Variants in IQCB1 observed in about 807,000 individuals in gnomAD.
IQCB1 encodes IQ calmodulin-binding motif-containing protein 1.
Under a neutral mutation model 84.4 loss-of-function variants are expected in IQCB1, and 56 were observed. The ratio of observed to expected loss-of-function variants is 0.66; its 90% CI spans 0.54 to 0.83. The LOEUF is 0.83. IQCB1 is among the 40% of genes least tolerant of loss of function. IQCB1 has a pLI of 0.00. For synonymous variants in IQCB1, 210 were observed against 234.8 expected (o/e 0.89, Z 0.96); for missense variants, 629 against 682.1 (o/e 0.92, Z 0.87).
intron 4 of IQCB1, among the ~76,000 whole-genome samples, chr3:121,827,270 T>TA (rs955459141): frequency 7.3e-5 from 11 of 151,312 alleles, no homozygotes; most frequent in East Asian, 5.8e-4. Flanking sequence ...AAATAAAAGT[T>TA]AAAAAAAAAC....
chr3:121,816,736 T>C (rs1348525728), intron 5 of IQCB1, among the ~76,000 whole-genome samples: 2 of 151,922 alleles, frequency 1.3e-5, no homozygotes, highest in African/African-American at 4.8e-5. Context: ...CCAGTTAGAG[T>C]GGCGATCATT....
rs917217217 is a variant in IQCB1 at position 121,770,921 on chromosome 3, C to T, written c.1568-347G>A. Among the ~76,000 whole-genome samples, 17 of 152,210 alleles carry T rather than the reference C, an allele frequency of 1.1e-4. 1 individual carries two copies. The highest frequency in any genetic ancestry group is 1.0e-3 in the Admixed American group (16 of 15,288). On this transcript the variant is annotated intron_variant, in intron 14 of 14. Transcript: ENST00000310864. The stretch of plus-strand genomic sequence containing the variant: ...TCCTGGACTCAAGCAATCCTTCTGC[C>T]TCAGCTTCCCTAAGTGTTGGGATTA...
intron 5 of IQCB1, among the ~76,000 whole-genome samples, chr3:121,821,362 G>A (rs1950267633): frequency 6.6e-6 from 1 of 152,150 alleles, no homozygotes; most frequent in South Asian, 2.1e-4. Flanking sequence ...TCCTGGTCTT[G>A]TCCATTTCCG....
At chr3:121,788,792 T>C (rs1388840890) in intron 11 of IQCB1, among the ~76,000 whole-genome samples, 1 of 152,170 alleles carries the variant, frequency 6.6e-6, no homozygotes, top group East Asian at 1.9e-4. Flanking sequence ...ATGTGTTCTC[T>C]ACTCTACATG....
intron 11 of IQCB1, 97 bp from the exon 12 acceptor site, chr3:121,788,529 T>A (rs1009700076): frequency 3.0e-6 from 2 of 675,020 alleles, no homozygotes; most frequent in Non-Finnish European, 4.8e-6. Context: ...GCATTCTTTT[T>A]ATTTTTGTCA....
At chr3:121,771,332 ATAT>A (rs1947981570) in intron 14 of IQCB1, among the ~76,000 whole-genome samples, 1 of 151,524 alleles carries the variant, frequency 6.6e-6, no homozygotes, top group African/African-American at 2.4e-5. Flanking sequence ...TTATTTATTT[ATAT>A]TATTATTTTT....
chr3:121,788,288 C>T lies in IQCB1; in HGVS notation c.1274G>A (p.Arg425Lys), dbSNP rs1450149889. 1 of 1,613,962 alleles carries T rather than the reference C, an allele frequency of 6.2e-7. No homozygotes were observed. The highest frequency in any genetic ancestry group is 1.3e-5 in the African/African-American group (1 of 75,042). Residue 425 changes from arginine (R) to lysine (K), a missense_variant, in exon 12 of 15, where the codon AGA (arginine) becomes AAA (lysine). By Grantham distance (26) the Arg-to-Lys change is conservative (BLOSUM62 2). Coordinates refer to ENST00000310864, the MANE Select transcript of IQCB1 (RefSeq NM_001023570.4). ...TTTTCACTACATTAGACTCACTGCTCTTTGAAGTGTGACAGCTGCTTTATA... is the reference window on the plus strand; with the variant it reads ...TTTTCACTACATTAGACTCACTGCTTTTTGAAGTGTGACAGCTGCTTTATA... Reference protein sequence around the residue: ...IEYKAAVTLQRAALKFLAKCR... With the variant: ...IEYKAAVTLQKAALKFLAKCR...
At position 121,817,195 on chromosome 3, in the gene IQCB1, G is replaced by A. The variant is rs187347436; in HGVS notation, c.394-8186C>T. 1.4e-4 allele frequency among the ~76,000 whole-genome samples: 21 copies of A among 152,214 alleles called. No individual in the cohort carries two copies. In the East Asian group the frequency reaches 2.7e-3, roughly 20 times the overall value. On this transcript the variant is annotated intron_variant, in intron 5 of 14. Transcript: ENST00000310864. ...ACACTGCATGTTCTCACTCATAAGC[G>A]GGAGTTGAACAATGAGAACACATGG...
rs937341616 is a variant in IQCB1, at chr3:121,769,965, A to G, written c.*380T>C. ...AGGAAATAGGAATTTCAGATAACAA[A>G]TGTGAAAAGTTGAAATAATCCTGAC... On this transcript the variant is annotated 3_prime_UTR_variant, in exon 15 of 15. Coordinates refer to ENST00000310864, the MANE Select transcript of IQCB1 (RefSeq NM_001023570.4). 5.3e-6 allele frequency: 1 copy of G among 187,620 alleles called. No homozygotes were observed. Among genetic ancestry groups the G allele is most frequent in the Non-Finnish European group, 1.1e-5 (1 of 88,472 alleles). The allele number at this position is 187,620 out of a possible 1,614,324, so 11.6% of individuals were successfully genotyped here.
intron 8 of IQCB1, among the ~76,000 whole-genome samples, chr3:121,797,718 T>G (rs1949257456): frequency 6.6e-6 from 1 of 151,990 alleles, no homozygotes; most frequent in East Asian, 1.9e-4. Flanking sequence ...ATATATAATT[T>G]GGGGCAAATC....
intron 13 of IQCB1, among the ~76,000 whole-genome samples, chr3:121,779,263 A>G (rs892907826): frequency 3.9e-5 from 6 of 152,004 alleles, no homozygotes; most frequent in Non-Finnish European, 5.9e-5. Flanking sequence ...AGGGATTCCA[A>G]GTTTTCATTT....
chr3:121,820,452 C>T (rs992380655), intron 5 of IQCB1, among the ~76,000 whole-genome samples: 2 of 152,182 alleles, frequency 1.3e-5, no homozygotes, highest in African/African-American at 4.8e-5. Context: ...ATTATCTCTA[C>T]ACCACATCCC....
intron 7 of IQCB1, among the ~76,000 whole-genome samples, chr3:121,803,025 A>G (rs1000443096): frequency 3.9e-5 from 6 of 152,154 alleles, no homozygotes; most frequent in Non-Finnish European, 8.8e-5. Flanking sequence ...GCCAGAGAAC[A>G]TACTTTGTAT....
At chr3:121,786,170 C>CAAGAAAG in intron 12 of IQCB1, among the ~76,000 whole-genome samples, 2 of 72,848 alleles carry the variant, frequency 2.7e-5, no homozygotes, top group African/African-American at 6.5e-5. Flanking sequence ...GATTCTGTCT[C>CAAGAAAG]AAAAGAAAAG....
rs1003136013 is a variant in IQCB1, at chr3:121,779,334, T to C, written c.1410+2409A>G. Among the ~76,000 whole-genome samples, 3 of 152,142 alleles carry C rather than the reference T, an allele frequency of 2.0e-5. No homozygotes were observed. In the East Asian group the frequency reaches 5.8e-4, roughly 29 times the overall value. On this transcript the variant is annotated intron_variant, in intron 13 of 14. Transcript: ENST00000310864. ...TCTTTTCAAATATTTTTCTCTTTTT[T>C]CCCCTCTCTGTGACTCATTTTGTAC...
At chr3:121,795,699 C>A (rs1949160275) in intron 9 of IQCB1, 133 bp from the exon 10 acceptor site, 1 of 659,860 alleles carries the variant, frequency 1.5e-6, no homozygotes, top group South Asian at 1.8e-5. Flanking sequence ...GAATATTAAA[C>A]CTTACCTCCC....
intron 5 of IQCB1, among the ~76,000 whole-genome samples, chr3:121,821,176 G>C (rs1267789509): frequency 6.6e-6 from 1 of 151,972 alleles, no homozygotes; most frequent in African/African-American, 2.4e-5. Flanking sequence ...ATGTTGCCCA[G>C]GTTGGTCTTG....
At chr3:121,829,403 G>A (rs1291871671) in intron 2 of IQCB1, among the ~76,000 whole-genome samples, 1 of 152,218 alleles carries the variant, frequency 6.6e-6, no homozygotes, top group Non-Finnish European at 1.5e-5. Flanking sequence ...CTGGCATCTA[G>A]AACTTAGATT....
chr3:121,799,598 A>G (rs1949330274), intron 7 of IQCB1, among the ~76,000 whole-genome samples: 1 of 151,912 alleles, frequency 6.6e-6, no homozygotes, highest in East Asian at 1.9e-4. Context: ...GCTAGGTACA[A>G]TAGAGAATAC....
Sources: gnomAD v4.1 joint callset for allele counts (sites outside exome capture counted in the v4.1 genomes callset) on GRCh38, gnomAD v4.1.1 for gene constraint, MANE v1.5 for transcripts, NCBI Gene and HGNC (gene_info 2026-07-23, HGNC 2026-07-21) for gene names.